TBL1XR1: variants seen among roughly 807,000 people sequenced by gnomAD.
TBL1XR1 encodes F-box-like/WD repeat-containing protein TBL1XR1.
Under a neutral mutation model 66.9 loss-of-function variants are expected in TBL1XR1, and 5 were observed. The ratio of observed to expected loss-of-function variants is 0.07; its 90% CI spans 0.04 to 0.16. The LOEUF (loss-of-function observed/expected upper bound fraction) is 0.16, where lower values mean the gene tolerates loss of function less well. Ranked by LOEUF, TBL1XR1 falls within the 10% of genes least tolerant of loss-of-function variation. TBL1XR1 has a pLI of 1.00. For missense variants in TBL1XR1, 238 were observed against 623.2 expected, an observed-to-expected ratio of 0.38 and a Z score of 6.58; for synonymous variants, 210 against 206.0, an observed-to-expected ratio of 1.02 and a Z score of -0.17.
intron 2 of TBL1XR1, among the ~76,000 whole-genome samples, chr3:177,070,103 A>G (rs1344055587): frequency 6.6e-6 from 1 of 152,228 alleles, no homozygotes; most frequent in Non-Finnish European, 1.5e-5. Flanking sequence ...CAATTTTTTA[A>G]AAGTCTCAGC....
At chr3:177,128,366 G>C (rs953877397) in intron 1 of TBL1XR1, among the ~76,000 whole-genome samples, 4 of 152,296 alleles carry the variant, frequency 2.6e-5, no homozygotes, top group African/African-American at 7.2e-5. Flanking sequence ...ATGACACAGA[G>C]AGCAAGCATC....
chr3:177,177,319 G>T (rs188469580), intron 1 of TBL1XR1, among the ~76,000 whole-genome samples: 1 of 151,940 alleles, frequency 6.6e-6, no homozygotes, highest in East Asian at 1.9e-4. Context: ...GTGTGGTGGC[G>T]TGCGCCCGTT....
chr3:177,170,294 C>A (rs1243868604), intron 1 of TBL1XR1, among the ~76,000 whole-genome samples: 1 of 152,102 alleles, frequency 6.6e-6, no homozygotes, highest in African/African-American at 2.4e-5. Context: ...CCAACCGTCC[C>A]ACACAAAAAC....
rs549749608 is a variant in TBL1XR1, at chr3:177,188,596, T to C, written c.-122+8525A>G. Among the ~76,000 whole-genome samples the C allele has an allele frequency of 2.6e-5, 4 of 152,238 alleles. No individual in the cohort carries two copies. In the South Asian group the frequency reaches 8.3e-4, roughly 32 times the overall value. On this transcript the variant is annotated intron_variant, in intron 1 of 15. Transcript: ENST00000457928. ...ATACCGTAATGACCATCTCTGACCCTTGCAGCCCAGAGTTTTGTTTTTTTA... is the reference window on the plus strand; with the variant it reads ...ATACCGTAATGACCATCTCTGACCCCTGCAGCCCAGAGTTTTGTTTTTTTA...
At chr3:177,145,146 G>T (rs1450319397) in intron 1 of TBL1XR1, among the ~76,000 whole-genome samples, 4 of 152,130 alleles carry the variant, frequency 2.6e-5, no homozygotes, top group Non-Finnish European at 5.9e-5. Flanking sequence ...AGGAACCTTG[G>T]AAAGTCCCTA....
rs549728717 is a variant in TBL1XR1, at chr3:177,133,542, T to C, written c.-121-35001A>G. On this transcript the variant is annotated intron_variant, in intron 1 of 15. Transcript: ENST00000457928. The stretch of plus-strand genomic sequence containing the variant: ...GTTGGACTATAATAATACACTCATA[T>C]GCAGACACACAGAAGTAACACTACA... 2.6e-5 allele frequency among the ~76,000 whole-genome samples: 4 copies of C among 152,326 alleles called. No individual in the cohort carries two copies. The South Asian group carries it at 8.3e-4, about 32-fold the overall frequency.
At chr3:177,139,629 G>A (rs1010248884) in intron 1 of TBL1XR1, among the ~76,000 whole-genome samples, 6 of 149,268 alleles carry the variant, frequency 4.0e-5, no homozygotes, top group African/African-American at 1.2e-4. Flanking sequence ...GAATATAAAC[G>A]TTTCCCAGAA....
intron 1 of TBL1XR1, among the ~76,000 whole-genome samples, chr3:177,190,151 A>G (rs2109004257): frequency 6.7e-6 from 1 of 149,850 alleles, no homozygotes; most frequent in Middle Eastern, 3.4e-3. Context: ...AAAAAAAAAA[A>G]AAAAAAAAAA....
At chr3:177,083,846 C>T (rs7618646) in intron 2 of TBL1XR1, among the ~76,000 whole-genome samples, 47,071 of 151,600 alleles carry the variant, frequency 0.31, 7,727 homozygotes, top group East Asian at 0.58. Context: ...TCCCAGCACT[C>T]TGGGAAGCTG....
At position 177,024,877 on chromosome 3, in the gene TBL1XR1, C is replaced by T. The variant is rs2108371750; in HGVS notation, c.*621G>A. On this transcript the variant is annotated 3_prime_UTR_variant, in exon 16 of 16. Transcript: ENST00000457928. ...CCAACTGAATATATGCTCTGGGAGC[C>T]ATAAAATGTACCAAACATCTACCTC... The T allele has an allele frequency of 6.6e-6, 1 of 152,540 alleles. No individual in the cohort carries two copies. The highest frequency in any genetic ancestry group is 1.9e-4 in the East Asian group (1 of 5,184). The allele number at this position is 152,540 out of a possible 1,614,324, so 9.4% of individuals were successfully genotyped here. A position where few individuals can be genotyped will look rare whatever the true frequency, so the allele number is the denominator to read the frequency against.
intron 1 of TBL1XR1, among the ~76,000 whole-genome samples, chr3:177,117,999 G>T (rs1376644480): frequency 6.6e-6 from 1 of 152,134 alleles, no homozygotes; most frequent in East Asian, 1.9e-4. Flanking sequence ...CAGAAACCAG[G>T]AATCTAGGGC....
chr3:177,136,875 T>G (rs1032790598), intron 1 of TBL1XR1, among the ~76,000 whole-genome samples: 1 of 152,228 alleles, frequency 6.6e-6, no homozygotes, highest in Non-Finnish European at 1.5e-5. Flanking sequence ...TTTACTATGC[T>G]TCACTAAAGA....
chr3:177,130,719 T>C (rs927795806), intron 1 of TBL1XR1, among the ~76,000 whole-genome samples: 1 of 152,168 alleles, frequency 6.6e-6, no homozygotes, highest in Non-Finnish European at 1.5e-5. Context: ...AAAAAATAAT[T>C]ACCTGAAAGG....
At chr3:177,035,632 T>C (rs1321286990) in intron 12 of TBL1XR1, among the ~76,000 whole-genome samples, 1 of 152,152 alleles carries the variant, frequency 6.6e-6, no homozygotes, top group Non-Finnish European at 1.5e-5. Flanking sequence ...CAGCCTGGTC[T>C]TGAACTCCTG....
intron 1 of TBL1XR1, among the ~76,000 whole-genome samples, chr3:177,170,345 G>A (rs572698709): frequency 4.6e-5 from 7 of 152,070 alleles, no homozygotes; most frequent in Admixed American, 2.0e-4. Context: ...TATCCCTGGC[G>A]GTCTTTCCAC....
chr3:177,040,231 C>A lies in TBL1XR1; in HGVS notation c.926-1797G>T, dbSNP rs573581956. Among the ~76,000 whole-genome samples the A allele has an allele frequency of 6.1e-4, 93 of 152,266 alleles. No individual in the cohort carries two copies. In the Middle Eastern group the frequency reaches 0.01, roughly 17 times the overall value. On this transcript the variant is annotated intron_variant, in intron 10 of 15. Coordinates refer to ENST00000457928, the MANE Select transcript of TBL1XR1 (RefSeq NM_024665.7). The stretch of plus-strand genomic sequence containing the variant: ...TTGGAAGGCTGAGGCAGGAGGACTG[C>A]TTGAGCTGGGGAGGCCGAGGCTGCA...
At chr3:177,088,967 C>T (rs190196351) in intron 2 of TBL1XR1, among the ~76,000 whole-genome samples, 257 of 152,240 alleles carry the variant, frequency 1.7e-3, no homozygotes, top group Admixed American at 3.7e-3. Context: ...TTTATGGATG[C>T]TACATTTATA....
In TBL1XR1 at chr3:177,111,170, A is replaced by G. The variant is rs144521742; in HGVS notation, c.-121-12629T>C. ...CTACTATCATCACCATCACCATATC[A>G]TTATTCAGGTAGGTATGCAAAGGGC... On this transcript the variant is annotated intron_variant, in intron 1 of 15. Transcript: ENST00000457928. Among the ~76,000 whole-genome samples, 722 of 152,082 alleles carry G rather than the reference A, an allele frequency of 4.7e-3. 16 individuals are homozygous for G. The highest frequency in any genetic ancestry group is 0.042 in the Admixed American group (638 of 15,266).
At chr3:177,199,673 T>C (rs1737304821), upstream of TBL1XR1, among the ~76,000 whole-genome samples, 1 of 151,998 alleles carries the variant, frequency 6.6e-6, no homozygotes, top group East Asian at 1.9e-4. Flanking sequence ...TATCCCTTAT[T>C]CCACAAGGGA....
Sources: allele counts gnomAD v4.1 joint callset (sites outside exome capture counted in the v4.1 genomes callset), GRCh38; gene constraint gnomAD v4.1.1; transcripts MANE v1.5; gene names NCBI Gene and HGNC (gene_info 2026-07-23, HGNC 2026-07-21).